ROBO2: variants seen among roughly 807,000 people sequenced by gnomAD.
ROBO2 encodes roundabout homolog 2.
A neutral mutation model predicts 160.8 loss-of-function variants in ROBO2; 53 were observed. The observed-to-expected ratio is 0.33, with a 90% confidence interval of 0.26 to 0.41. The LOEUF is 0.41. Ranked by LOEUF, ROBO2 falls within the 10% of genes least tolerant of loss-of-function variation. ROBO2 has a pLI of 1.00. For missense variants in ROBO2, 1,577 were observed against 1,722.4 expected, an observed-to-expected ratio of 0.92 and a Z score of 1.49; for synonymous variants, 664 against 611.7, an observed-to-expected ratio of 1.09 and a Z score of -1.26.
intron 2 of ROBO2, among the ~76,000 whole-genome samples, chr3:76,205,842 A>G (rs531358473): frequency 6.6e-6 from 1 of 152,200 alleles, no homozygotes; most frequent in African/African-American, 2.4e-5. Context: ...CTTGTCACTG[A>G]TAGAAAAGGA....
chr3:77,563,371 G>A, intron 11 of ROBO2, 42 bp downstream of exon 12: 1 of 1,589,556 alleles, frequency 6.3e-7, no homozygotes, highest in Non-Finnish European at 8.6e-7. Context: ...TTTTGTCTTA[G>A]CTCCTTTATT....
chr3:77,533,495 T>A (rs1354754489), intron 6 of ROBO2, among the ~76,000 whole-genome samples: 1 of 152,180 alleles, frequency 6.6e-6, no homozygotes, highest in Non-Finnish European at 1.5e-5. Flanking sequence ...CACTTCAAAG[T>A]TCCTTGGGGT....
At chr3:76,602,801 A>C (rs2108966559) in intron 2 of ROBO2, among the ~76,000 whole-genome samples, 1 of 152,232 alleles carries the variant, frequency 6.6e-6, no homozygotes, top group Non-Finnish European at 1.5e-5. Context: ...TCCTCCCATG[A>C]CAGGTGGGAG....
intron 2 of ROBO2, among the ~76,000 whole-genome samples, chr3:76,725,736 G>C (rs573207965): frequency 2.6e-5 from 4 of 152,016 alleles, no homozygotes; most frequent in Non-Finnish European, 4.4e-5. Context: ...TCTGTTAGGT[G>C]GGGGAATGCA....
At chr3:77,315,767 A>T (rs2063927843) in intron 2 of ROBO2, among the ~76,000 whole-genome samples, 1 of 152,214 alleles carries the variant, frequency 6.6e-6, no homozygotes, top group African/African-American at 2.4e-5. Flanking sequence ...ACATTCAACA[A>T]AGAAAGCTGA....
chr3:76,040,465 A>C (rs1449477218), intron 2 of ROBO2, among the ~76,000 whole-genome samples: 1 of 151,970 alleles, frequency 6.6e-6, no homozygotes, highest in Non-Finnish European at 1.5e-5. Context: ...TGAAACCATC[A>C]TTCCAATTCA....
exon 1 of ROBO2, chr3:77,040,104 G>C: frequency 1.0e-6 from 1 of 982,836 alleles, no homozygotes; most frequent in South Asian, 4.7e-5. Context: ...CACCACGTAG[G>C]AGTTCGGATT....
At chr3:76,497,826 G>A (rs2080237079) in intron 2 of ROBO2, among the ~76,000 whole-genome samples, 1 of 152,086 alleles carries the variant, frequency 6.6e-6, no homozygotes, top group African/African-American at 2.4e-5. Context: ...ATTAACTTCT[G>A]CCAGCATTCC....
intron 2 of ROBO2, among the ~76,000 whole-genome samples, chr3:76,472,094 TGTGTGTGC>T (rs1171384040): frequency 5.9e-4 from 68 of 115,894 alleles, no homozygotes; most frequent in African/African-American, 2.0e-3. Flanking sequence ...TGTGTGTGTG[TGTGTGTGC>T]GCGTGTGCGT....
intron 2 of ROBO2, among the ~76,000 whole-genome samples, chr3:77,113,345 T>C (rs1346508839): frequency 3.3e-5 from 5 of 152,212 alleles, no homozygotes. Context: ...GCAGCTTCTC[T>C]CAAAAGCCTG....
intron 2 of ROBO2, among the ~76,000 whole-genome samples, chr3:76,180,151 C>T (rs1701436365): frequency 6.6e-6 from 1 of 152,120 alleles, no homozygotes; most frequent in Non-Finnish European, 1.5e-5. Context: ...AATGCCCCAA[C>T]AAGTTCAGAA....
chr3:76,546,867 G>A (rs2083135448), intron 2 of ROBO2, among the ~76,000 whole-genome samples: 1 of 151,230 alleles, frequency 6.6e-6, no homozygotes, highest in Non-Finnish European at 1.5e-5. Context: ...TTGCTATATT[G>A]ACCTAAGCCA....
chr3:76,094,545 A>G (rs1428486596), intron 2 of ROBO2, among the ~76,000 whole-genome samples: 4 of 152,240 alleles, frequency 2.6e-5, no homozygotes, highest in African/African-American at 9.6e-5. Context: ...AATAAAATGT[A>G]CTGCTCTTTA....
intron 2 of ROBO2, among the ~76,000 whole-genome samples, chr3:76,606,563 T>A (rs373230803): frequency 6.6e-6 from 1 of 152,180 alleles, no homozygotes; most frequent in African/African-American, 2.4e-5. Context: ...AATGGCACAT[T>A]ATCTAAAACA....
intron 2 of ROBO2, among the ~76,000 whole-genome samples, chr3:77,365,648 A>C (rs558736852): frequency 5.3e-5 from 8 of 152,296 alleles, no homozygotes; most frequent in African/African-American, 1.4e-4. Flanking sequence ...CAGAAGACTT[A>C]GGTGTAGAAA....
intron 2 of ROBO2, among the ~76,000 whole-genome samples, chr3:76,778,696 CTT>C (rs1315340842): frequency 6.6e-6 from 1 of 151,064 alleles, no homozygotes; most frequent in Non-Finnish European, 1.5e-5. Context: ...TAGGCAATCT[CTT>C]TTTGCATGGT....
At chr3:77,102,089 C>T (rs2072024618) in intron 2 of ROBO2, among the ~76,000 whole-genome samples, 1 of 152,090 alleles carries the variant, frequency 6.6e-6, no homozygotes, top group Admixed American at 6.6e-5. Flanking sequence ...GATGCAAATC[C>T]CAAATGATGA....
intron 2 of ROBO2, among the ~76,000 whole-genome samples, chr3:76,571,946 A>G (rs990626851): frequency 2.0e-5 from 3 of 152,162 alleles, no homozygotes; most frequent in African/African-American, 7.2e-5. Flanking sequence ...GCTCAAGTTC[A>G]GCCTGGATAT....
intron 2 of ROBO2, among the ~76,000 whole-genome samples, chr3:76,306,898 C>T (rs926878592): frequency 1.7e-4 from 26 of 152,258 alleles, no homozygotes; most frequent in African/African-American, 5.1e-4. Context: ...TATATTTAAG[C>T]GGTTTTTCCT....
Sources: allele counts gnomAD v4.1 joint callset (sites outside exome capture counted in the v4.1 genomes callset), GRCh38; gene constraint gnomAD v4.1.1; transcripts MANE v1.5; gene names NCBI Gene and HGNC (gene_info 2026-07-23, HGNC 2026-07-21).